The following BST1 variants were observed in gnomAD, a reference collection of about 807,000 sequenced individuals.
The protein encoded by BST1 is bone marrow stromal cell antigen 1.
BST1 carries 49 observed loss-of-function variants against 40.6 expected under a neutral mutation model. The ratio of observed to expected loss-of-function variants is 1.21; its 90% confidence interval spans 0.96 to 1.53. BST1 has a LOEUF of 1.53. Ranked by LOEUF, BST1 falls within the 40% of genes most tolerant of loss-of-function variation. BST1 has a pLI of 0.00. For synonymous variants in BST1, 157 were observed against 159.3 expected (o/e 0.99, Z 0.11); for missense variants, 423 against 395.9 (o/e 1.07, Z -0.58).
At chr4:15,747,046 C>T in the BST1 span, among the ~76,000 whole-genome samples, 66 of 152,228 alleles carry the variant, frequency 4.3e-4, no homozygotes, top group African/African-American at 1.4e-3. Flanking sequence ...TTGGGAGAAT[C>T]ACTATGTTAT....
At chr4:15,774,005 G>A in the BST1 span, among the ~76,000 whole-genome samples, 1 of 152,188 alleles carries the variant, frequency 6.6e-6, no homozygotes, top group Non-Finnish European at 1.5e-5. Flanking sequence ...GAATGTGGCT[G>A]TATTTGAAGA....
chr4:15,758,629 T>C, the BST1 span, among the ~76,000 whole-genome samples: 1 of 152,232 alleles, frequency 6.6e-6, no homozygotes, highest in African/African-American at 2.4e-5. Context: ...CACCACACTA[T>C]GCAATAGATT....
intron 7 of BST1, among the ~76,000 whole-genome samples, chr4:15,719,728 C>T (rs936266037): frequency 1.3e-5 from 2 of 152,126 alleles, no homozygotes; most frequent in African/African-American, 4.8e-5. Context: ...TTGCCTAACA[C>T]CCTTGATTAT....
Position 15,707,733 on chromosome 4 carries a change from T to A in BST1, c.451+87T>A, listed in dbSNP as rs908997965. On this transcript the variant is annotated intron_variant, in intron 3 of 8. Transcript: ENST00000265016. ...TGTGCTAAATGCTTTCATATGCATT[T>A]ATTTCACTTGATCCTCTCCAAGTCC... 6.0e-6 allele frequency: 9 copies of A among 1,503,640 alleles called. No individual in the cohort carries two copies. In the Middle Eastern group the frequency reaches 5.3e-4, roughly 88 times the overall value. The allele number at this position is 1,503,640 out of a possible 1,614,324, so 93.1% of individuals were successfully genotyped here.
intron 8 of BST1, chr4:15,731,485 G>A (rs4336219): frequency 1.5e-5 from 14 of 961,098 alleles, no homozygotes; most frequent in Non-Finnish European, 2.3e-5. Flanking sequence ...CCCGAGAAGC[G>A]CTTGTCCTTC....
intron 8 of BST1, chr4:15,731,455 T>A: frequency 1.3e-6 from 1 of 772,408 alleles, no homozygotes; most frequent in East Asian, 3.4e-5. Context: ...GGGCAGGGAG[T>A]GGACTTAAGC....
At chr4:15,735,395 C>G (rs896716943), downstream of BST1, among the ~76,000 whole-genome samples, 4 of 152,118 alleles carry the variant, frequency 2.6e-5, no homozygotes, top group Non-Finnish European at 5.9e-5. Flanking sequence ...TGTGAATGAA[C>G]TAAGTTTAAT....
Position 15,722,880 on chromosome 4 carries a change from T to G in BST1, c.797T>G (p.Val266Gly), listed in dbSNP as rs370984671. The change falls in exon 8 of 9, where the codon GTG (valine) becomes GGG (glycine). Residue 266 changes from valine to glycine, a missense_variant. By Grantham distance (109) the Val-to-Gly change is moderately radical. Coordinates refer to ENST00000265016, the MANE Select transcript of BST1 (RefSeq NM_004334.3). ...ATATTATTTTCTTTCTGTAGACCAG[T>G]GAAGCTCTTACAGTGCGTGGACCAC... The part of the protein sequence containing the change: ...QYSCINDYRP[V>G]KLLQCVDHST... 28 of 1,612,994 alleles carry G rather than the reference T, an allele frequency of 1.7e-5. 1 individual carries two copies. In the Middle Eastern group the frequency reaches 1.8e-3, roughly 104 times the overall value.
downstream of BST1, chr4:15,732,937 G>C (rs1230624226): frequency 6.4e-6 from 1 of 157,462 alleles, no homozygotes; most frequent in African/African-American, 2.4e-5. Context: ...TGTGTCTGGA[G>C]TTTCTTCCTT....
At chr4:15,705,466 C>G (rs769536152) in intron 1 of BST1, 49 bp from the exon 2 acceptor site, 18 of 1,525,740 alleles carry the variant, frequency 1.2e-5, no homozygotes, top group Non-Finnish European at 1.4e-5. Flanking sequence ...CTTCACAACA[C>G]ATTATGATGT....
At chr4:15,716,450 G>A (rs1353090654) in intron 6 of BST1, among the ~76,000 whole-genome samples, 1 of 152,172 alleles carries the variant, frequency 6.6e-6, no homozygotes, top group Admixed American at 6.5e-5. Context: ...CTGAGGCCTT[G>A]TCCTTCAGAA....
the BST1 span, among the ~76,000 whole-genome samples, chr4:15,760,931 C>G: frequency 1.3e-5 from 2 of 151,084 alleles, no homozygotes; most frequent in African/African-American, 2.4e-5. Flanking sequence ...CCTGAGTAAT[C>G]TGCCTGCCTT....
At position 15,731,740 on chromosome 4, in the gene BST1, G is replaced by A. The variant is rs745683764; in HGVS notation, c.852G>A (p.Ser284=). The change falls in exon 9 of 9, where the codon TCG becomes TCA. Residue 284 remains serine (S), a splice_region_variant and synonymous_variant. Coordinates refer to ENST00000265016, the MANE Select transcript of BST1 (RefSeq NM_004334.3). ...TCTCTATTTCCTTGTTAATTTGCAG[G>A]GCAGCAGCCGCTACTCAAAGAAAAG... is the stretch of plus-strand genomic sequence containing the variant. ...HSTHPDCALK[S]AAAATQRKAP... The A allele has an allele frequency of 6.2e-7, 1 of 1,611,094 alleles. No homozygotes were observed. The highest frequency in any genetic ancestry group is 2.2e-5 in the East Asian group (1 of 44,840).
At chr4:15,745,273 A>C in the BST1 span, among the ~76,000 whole-genome samples, 1 of 152,238 alleles carries the variant, frequency 6.6e-6, no homozygotes, top group African/African-American at 2.4e-5. Context: ...ACATACAAAT[A>C]TAAAATTATG....
At chr4:15,771,135 G>C in the BST1 span, among the ~76,000 whole-genome samples, 1 of 152,190 alleles carries the variant, frequency 6.6e-6, no homozygotes, top group East Asian at 1.9e-4. Flanking sequence ...TCAGTGCAGT[G>C]TAACTATGCA....
chr4:15,737,800 C>T (rs1721624936), exon 7 of BST1: 1 of 1,286,388 alleles, frequency 7.8e-7, no homozygotes, highest in African/African-American at 1.5e-5. Flanking sequence ...ACTGTGGGAA[C>T]CATGATGGGG....
At chr4:15,730,528 T>C (rs1355901753) in intron 8 of BST1, among the ~76,000 whole-genome samples, 2 of 152,220 alleles carry the variant, frequency 1.3e-5, no homozygotes, top group Non-Finnish European at 2.9e-5. Context: ...TGTGTACCAA[T>C]ATGGAAGCAT....
At chr4:15,735,032 C>T (rs2148898813), downstream of BST1, among the ~76,000 whole-genome samples, 1 of 152,292 alleles carries the variant, frequency 6.6e-6, no homozygotes, top group Middle Eastern at 3.4e-3. Flanking sequence ...AAGGTGTGCT[C>T]AGCTGGGCTC....
the BST1 span, among the ~76,000 whole-genome samples, chr4:15,748,740 T>C: frequency 4.3e-3 from 652 of 152,324 alleles, 7 homozygotes; most frequent in African/African-American, 0.015. Context: ...AGTTGATAGT[T>C]GGTAGTTGAT....
Sources: allele counts gnomAD v4.1 joint callset (sites outside exome capture counted in the v4.1 genomes callset), GRCh38; gene constraint gnomAD v4.1.1; transcripts MANE v1.5; gene names NCBI Gene and HGNC (gene_info 2026-07-23, HGNC 2026-07-21).